Variants in TLE1 observed in about 807,000 individuals in gnomAD.
The protein encoded by TLE1 is TLE family member 1, transcriptional corepressor, also known as transducin-like enhancer protein 1.
In TLE1, 21 loss-of-function variants were observed where a neutral mutation model predicts 89.8. That is an observed-to-expected ratio of 0.23 (90% CI 0.17 to 0.34). The LOEUF (loss-of-function observed/expected upper bound fraction) is 0.34, where lower values mean the gene tolerates loss of function less well. TLE1 is among the 10% of genes least tolerant of loss of function. TLE1 has a pLI of 1.00. For missense variants in TLE1, 795 were observed against 1,031.2 expected (o/e 0.77, Z 3.14); for synonymous variants, 447 against 407.6 (o/e 1.10, Z -1.16).
intron 2 of TLE1, 121 bp from the exon 3 acceptor site, chr9:81,686,017 G>C (rs1024415230): frequency 2.1e-6 from 2 of 957,804 alleles, no homozygotes; most frequent in South Asian, 1.5e-5. Context: ...AAACTATCTA[G>C]GTAAACACCC....
intron 4 of TLE1, among the ~76,000 whole-genome samples, chr9:81,671,288 C>T (rs781288291): frequency 6.6e-6 from 1 of 151,976 alleles, no homozygotes; most frequent in African/African-American, 2.4e-5. Flanking sequence ...CTGAAGCGGG[C>T]GGATTGCTTG....
In TLE1 at chr9:81,627,460, A is replaced by G. The variant is rs79955842; in HGVS notation, c.594+5888T>C. On this transcript the variant is annotated intron_variant, in intron 8 of 19. Coordinates refer to ENST00000376499, the MANE Select transcript of TLE1 (RefSeq NM_005077.5). ...CAGTAAACAGACACCTCTACCTGGT[A>G]CAGGCTCCTGACAATCTAGAAACCA... Among the ~76,000 whole-genome samples, 1,109 of 152,284 alleles carry G rather than the reference A, an allele frequency of 7.3e-3. 11 individuals carry two copies. The highest frequency in any genetic ancestry group is 0.024 in the Middle Eastern group (7 of 294).
At chr9:81,668,820 G>A (rs1017288316) in intron 4 of TLE1, among the ~76,000 whole-genome samples, 8 of 152,190 alleles carry the variant, frequency 5.3e-5, no homozygotes, top group Admixed American at 1.3e-4. Flanking sequence ...AAGGAGAGAG[G>A]AACTGAAGAT....
chr9:81,687,716 G>A (rs1036215853), intron 1 of TLE1, among the ~76,000 whole-genome samples: 13 of 152,024 alleles, frequency 8.6e-5, no homozygotes, highest in Admixed American at 2.0e-4. Context: ...GCTCCCCGGC[G>A]GCCAGGGAAG....
chr9:81,636,981 C>T (rs146619787), intron 6 of TLE1, among the ~76,000 whole-genome samples: 5,045 of 139,894 alleles, frequency 0.036, 113 homozygotes, highest in Non-Finnish European at 0.049. Context: ...CCAGCCTGGA[C>T]GACAGAGGGA....
At chr9:81,623,231 G>A (rs10867782) in intron 8 of TLE1, among the ~76,000 whole-genome samples, 31,880 of 151,746 alleles carry the variant, frequency 0.21, 3,780 homozygotes, top group Non-Finnish European at 0.27. Flanking sequence ...ATTTCTCCTC[G>A]TGCACTCCCT....
intron 8 of TLE1, among the ~76,000 whole-genome samples, chr9:81,625,515 T>C (rs985384639): frequency 7.2e-5 from 11 of 152,198 alleles, no homozygotes; most frequent in African/African-American, 2.4e-4. Flanking sequence ...GCGAAGTGTT[T>C]GAATTTCCTG....
At chr9:81,631,021 T>TATA (rs1826522381) in intron 8 of TLE1, among the ~76,000 whole-genome samples, 1 of 152,230 alleles carries the variant, frequency 6.6e-6, no homozygotes, top group African/African-American at 2.4e-5. Context: ...ACACAGCATA[T>TATA]ATACTTGTTC....
At chr9:81,662,029 T>C (rs1384270972) in intron 4 of TLE1, among the ~76,000 whole-genome samples, 1 of 152,178 alleles carries the variant, frequency 6.6e-6, no homozygotes, top group East Asian at 1.9e-4. Context: ...CAGCTAAGAA[T>C]TTATCCTAAG....
At position 81,593,002 on chromosome 9, in the gene TLE1, T is replaced by C. The variant is rs143205044; in HGVS notation, c.1581+23A>G. ...AATCTCCAGGGAGAAATTGCCCTTG[T>C]GCACCAGTTCCTGTTCACTCACCAG... On this transcript the variant is annotated intron_variant, in intron 15 of 19. Coordinates refer to ENST00000376499, the MANE Select transcript of TLE1 (RefSeq NM_005077.5). 3.7e-4 allele frequency: 592 copies of C among 1,599,406 alleles called. No individual in the cohort carries two copies. The highest frequency in any genetic ancestry group is 4.8e-4 in the Non-Finnish European group (559 of 1,168,036).
chr9:81,644,620 T>C (rs554258194), intron 6 of TLE1, among the ~76,000 whole-genome samples: 2 of 152,140 alleles, frequency 1.3e-5, no homozygotes, highest in East Asian at 3.9e-4. Context: ...GTGACAAAAA[T>C]GTTCTAGAAA....
At position 81,616,514 on chromosome 9, in the gene TLE1, A is replaced by G. The variant is rs1824534225; in HGVS notation, c.765+132T>C. The G allele has an allele frequency of 8.5e-6, 7 of 828,122 alleles. No homozygotes were observed. The Admixed American group carries it at 9.9e-5, about 12-fold the overall frequency. 51.3% of individuals were successfully genotyped at this position (828,122 alleles called of 1,614,324 possible). A position where few individuals can be genotyped will look rare whatever the true frequency, so the allele number is the denominator to read the frequency against. On this transcript the variant is annotated intron_variant, in intron 10 of 19. Transcript: ENST00000376499. ...ATTGCTCCATACATGAGCAACCATT[A>G]ACTTCTTAATGTAAGAAGTTGCAAG...
At chr9:81,632,562 C>G (rs890170875) in intron 8 of TLE1, among the ~76,000 whole-genome samples, 2 of 149,724 alleles carry the variant, frequency 1.3e-5, no homozygotes, top group African/African-American at 4.9e-5. Context: ...TGTAGGTTAT[C>G]CCAGCTGAAA....
chr9:81,626,796 G>A (rs148445717), intron 8 of TLE1, among the ~76,000 whole-genome samples: 216 of 152,238 alleles, frequency 1.4e-3, no homozygotes, highest in African/African-American at 4.6e-3. Context: ...CGATGCCTTC[G>A]TCACCACCCT....
At chr9:81,587,906 CCGTGTGTGTGTGTGTGTG>C in intron 16 of TLE1, 78 bp from the exon 17 acceptor site, 1 of 545,678 alleles carries the variant, frequency 1.8e-6, no homozygotes, top group Non-Finnish European at 2.7e-6. Context: ...TAGTTTTGGA[CCGTGTGTGTGTGTGTGTG>C]TGTGTGTGTG....
At chr9:81,621,874 G>A (rs1400470485) in intron 8 of TLE1, among the ~76,000 whole-genome samples, 1 of 152,116 alleles carries the variant, frequency 6.6e-6, no homozygotes, top group Non-Finnish European at 1.5e-5. Context: ...TAGAGGAGCT[G>A]GGCTCTTTTA....
chr9:81,612,237 T>C (rs1391887100), intron 12 of TLE1: 2 of 975,014 alleles, frequency 2.1e-6, no homozygotes, highest in African/African-American at 1.7e-5. Context: ...GAATTAAGAG[T>C]ATTCCCTACC....
chr9:81,607,366 T>C (rs541071544), intron 14 of TLE1, among the ~76,000 whole-genome samples: 2 of 151,784 alleles, frequency 1.3e-5, no homozygotes, highest in Non-Finnish European at 2.9e-5. Flanking sequence ...ATATAAGGAA[T>C]AGGGTCCAAT....
At chr9:81,625,224 G>A (rs1362717329) in intron 8 of TLE1, among the ~76,000 whole-genome samples, 1 of 152,170 alleles carries the variant, frequency 6.6e-6, no homozygotes, top group Non-Finnish European at 1.5e-5. Flanking sequence ...TCTCAAGAGG[G>A]CATCTTCACT....
Sources: gnomAD v4.1 joint callset for allele counts (sites outside exome capture counted in the v4.1 genomes callset) on GRCh38, gnomAD v4.1.1 for gene constraint, MANE v1.5 for transcripts, NCBI Gene and HGNC (gene_info 2026-07-23, HGNC 2026-07-21) for gene names.